Variants in ONECUT2 observed in about 807,000 individuals in gnomAD.
The protein encoded by ONECUT2 is one cut homeobox 2.
ONECUT2 carries 10 observed loss-of-function variants against 27.9 expected under a neutral mutation model. The ratio of observed to expected loss-of-function variants is 0.36; its 90% confidence interval spans 0.22 to 0.61. ONECUT2 has a LOEUF of 0.61. Ranked by LOEUF, ONECUT2 falls within the 20% of genes least tolerant of loss-of-function variation. The pLI is 0.73. For synonymous variants in ONECUT2, 334 were observed against 315.1 expected, an observed-to-expected ratio of 1.06 and a Z score of -0.64; for missense variants, 686 against 721.0, an observed-to-expected ratio of 0.95 and a Z score of 0.56.
intron 1 of ONECUT2, among the ~76,000 whole-genome samples, chr18:57,470,692 T>C (rs1209443229): frequency 1.3e-5 from 2 of 152,092 alleles, no homozygotes; most frequent in Non-Finnish European, 2.9e-5. Flanking sequence ...CAAGGTGACA[T>C]GCGGTTCCAG....
Position 57,481,860 on chromosome 18 carries a change from ATCT to A in ONECUT2, c.*5141_*5143del, listed in dbSNP as rs1442897031. The A allele has an allele frequency of 6.6e-6, 1 of 152,188 alleles. No homozygotes were observed. The highest frequency in any genetic ancestry group is 2.4e-5 in the African/African-American group (1 of 41,440). 9.4% of individuals were successfully genotyped at this position (152,188 alleles called of 1,614,324 possible). A position where few individuals can be genotyped will look rare whatever the true frequency, so the allele number is the denominator to read the frequency against. On this transcript the variant is annotated 3_prime_UTR_variant, in exon 2 of 2. Transcript: ENST00000491143. ...CCCAGGCACAACTACCTTGGCGATA[ATCT>A]TCTAGATTCGTAACAGGTTAGAGCT...
chr18:57,471,113 A>G (rs1022023459), intron 1 of ONECUT2, among the ~76,000 whole-genome samples: 1 of 152,182 alleles, frequency 6.6e-6, no homozygotes, highest in African/African-American at 2.4e-5. Flanking sequence ...CCAGTCTCAC[A>G]CAATCCCTCA....
intron 1 of ONECUT2, among the ~76,000 whole-genome samples, chr18:57,439,718 T>G (rs984435856): frequency 3.6e-4 from 55 of 151,446 alleles, no homozygotes; most frequent in Non-Finnish European, 7.8e-4. Flanking sequence ...GCCCCGGGGG[T>G]TTAACAAGCC....
chr18:57,441,922 G>T (rs2050176418), intron 1 of ONECUT2, among the ~76,000 whole-genome samples: 1 of 152,216 alleles, frequency 6.6e-6, no homozygotes, highest in African/African-American at 2.4e-5. Flanking sequence ...TCCTACCTTG[G>T]CTGGGACAGG....
chr18:57,451,412 A>G (rs1226597613), intron 1 of ONECUT2, among the ~76,000 whole-genome samples: 1 of 152,188 alleles, frequency 6.6e-6, no homozygotes, highest in Non-Finnish European at 1.5e-5. Context: ...CTGGGCAGGA[A>G]GCAGCTCTGA....
Position 57,489,835 on chromosome 18 carries a change from C to T in ONECUT2, c.*13112C>T, listed in dbSNP as rs1456864477. ...ACCTGGCATACTGAAATTTCTGAAA[C>T]AAAAACACAAGCTCCACATTGATAA... On this transcript the variant is annotated 3_prime_UTR_variant, in exon 2 of 2. Transcript: ENST00000491143. The T allele has an allele frequency of 6.6e-6, 1 of 152,098 alleles. No homozygotes were observed. Among genetic ancestry groups the T allele is most frequent in the Non-Finnish European group, 1.5e-5 (1 of 68,014 alleles). The allele number at this position is 152,098 out of a possible 1,614,324, so 9.4% of individuals were successfully genotyped here. A position where few individuals can be genotyped will look rare whatever the true frequency, so the allele number is the denominator to read the frequency against.
chr18:57,440,955 T>C (rs1376510006), intron 1 of ONECUT2, among the ~76,000 whole-genome samples: 1 of 152,072 alleles, frequency 6.6e-6, no homozygotes, highest in Non-Finnish European at 1.5e-5. Flanking sequence ...GATGAATAAT[T>C]GAAAAGTTCG....
In ONECUT2 at chr18:57,487,162, T is replaced by C. The variant is rs145159061; in HGVS notation, c.*10439T>C. ...GATGTGTCACCTCGAAAATACCCTT[T>C]ACATCTGTTGGGATCTGAAAATGAG... On this transcript the variant is annotated 3_prime_UTR_variant, in exon 2 of 2. Transcript: ENST00000491143. 6.5e-6 allele frequency: 1 copy of C among 152,758 alleles called. No homozygotes were observed. The highest frequency in any genetic ancestry group is 1.5e-5 in the Non-Finnish European group (1 of 68,036). 9.5% of individuals were successfully genotyped at this position (152,758 alleles called of 1,614,324 possible).
intron 1 of ONECUT2, among the ~76,000 whole-genome samples, chr18:57,465,974 G>A (rs530646094): frequency 2.6e-5 from 4 of 152,252 alleles, no homozygotes; most frequent in South Asian, 2.1e-4. Flanking sequence ...GACAACCCCC[G>A]GTATACTGCA....
chr18:57,465,015 T>G (rs576039524), intron 1 of ONECUT2, among the ~76,000 whole-genome samples: 56 of 152,354 alleles, frequency 3.7e-4, no homozygotes, highest in African/African-American at 1.3e-3. Context: ...AATGCCTTTC[T>G]ACGGGAAAGA....
intron 1 of ONECUT2, among the ~76,000 whole-genome samples, chr18:57,471,739 C>T (rs1178119725): frequency 6.6e-6 from 1 of 152,190 alleles, no homozygotes; most frequent in Non-Finnish European, 1.5e-5. Flanking sequence ...CATGACCAAT[C>T]TGAGTCAATA....
rs781107460 is a variant in ONECUT2, at chr18:57,483,689, A to G, written c.*6966A>G. 2 of 152,610 alleles carry G rather than the reference A, an allele frequency of 1.3e-5. No homozygotes were observed. Among genetic ancestry groups the G allele is most frequent in the Non-Finnish European group, 2.9e-5 (2 of 68,038 alleles). The allele number at this position is 152,610 out of a possible 1,614,324, so 9.5% of individuals were successfully genotyped here. ...GAAATTCTGTTACAGACAGGGAAGA[A>G]ATACAGGTTACAAAAAGAGAATTTG... On this transcript the variant is annotated 3_prime_UTR_variant, in exon 2 of 2. Coordinates refer to ENST00000491143, the MANE Select transcript of ONECUT2 (RefSeq NM_004852.3).
Position 57,477,665 on chromosome 18 carries a change from T to C in ONECUT2, c.*942T>C, listed in dbSNP as rs1376434119. ...TGCAGACGCACACTCAGGAGGCCAATTTAACTGTTAACAGTGCATGGAGCG... is the reference window on the plus strand; with the variant it reads ...TGCAGACGCACACTCAGGAGGCCAACTTAACTGTTAACAGTGCATGGAGCG... On this transcript the variant is annotated 3_prime_UTR_variant, in exon 2 of 2. Transcript: ENST00000491143. The C allele has an allele frequency of 6.5e-6, 1 of 152,676 alleles. No individual in the cohort carries two copies. The highest frequency in any genetic ancestry group is 2.4e-5 in the African/African-American group (1 of 41,468). 9.5% of individuals were successfully genotyped at this position (152,676 alleles called of 1,614,324 possible). A position where few individuals can be genotyped will look rare whatever the true frequency, so the allele number is the denominator to read the frequency against.
At chr18:57,444,187 C>T (rs1344479032) in intron 1 of ONECUT2, among the ~76,000 whole-genome samples, 1 of 152,188 alleles carries the variant, frequency 6.6e-6, no homozygotes, top group African/African-American at 2.4e-5. Context: ...ATTCCTAGAG[C>T]ATAAATACTT....
At chr18:57,469,462 C>T (rs1469128411) in intron 1 of ONECUT2, among the ~76,000 whole-genome samples, 1 of 152,176 alleles carries the variant, frequency 6.6e-6, no homozygotes, top group East Asian at 1.9e-4. Context: ...TAACAATACC[C>T]ATCATATGTA....
At chr18:57,470,233 C>G (rs2050345734) in intron 1 of ONECUT2, among the ~76,000 whole-genome samples, 1 of 152,022 alleles carries the variant, frequency 6.6e-6, no homozygotes, top group African/African-American at 2.4e-5. Context: ...CCAGGACAGC[C>G]CATCCAAGTT....
chr18:57,443,621 A>G (rs1266836638), intron 1 of ONECUT2, among the ~76,000 whole-genome samples: 1 of 152,152 alleles, frequency 6.6e-6, no homozygotes, highest in Non-Finnish European at 1.5e-5. Flanking sequence ...TGGCTGAAAA[A>G]TGTGCATAGG....
At chr18:57,454,545 G>A (rs536006084) in intron 1 of ONECUT2, among the ~76,000 whole-genome samples, 12 of 152,228 alleles carry the variant, frequency 7.9e-5, no homozygotes, top group Admixed American at 1.3e-4. Context: ...TCTAGTTGGT[G>A]TACAGATTAA....
At chr18:57,451,316 A>G (rs1405623773) in intron 1 of ONECUT2, among the ~76,000 whole-genome samples, 2 of 152,216 alleles carry the variant, frequency 1.3e-5, no homozygotes, top group Non-Finnish European at 2.9e-5. Context: ...TAGGTAAGCA[A>G]TTGACCTGTG....
Sources: gnomAD v4.1 joint callset for allele counts (sites outside exome capture counted in the v4.1 genomes callset) on GRCh38, gnomAD v4.1.1 for gene constraint, MANE v1.5 for transcripts, NCBI Gene and HGNC (gene_info 2026-07-23, HGNC 2026-07-21) for gene names.